The following PCDHA4 variants were observed in gnomAD, a reference collection of about 807,000 sequenced individuals.
PCDHA4 encodes protocadherin alpha-4.
PCDHA4 carries 49 observed loss-of-function variants against 61.4 expected under a neutral mutation model. That is an observed-to-expected ratio of 0.80 (90% CI 0.63 to 1.01). PCDHA4 has a LOEUF of 1.01. Among genes scored for constraint, PCDHA4 ranks in the 50% least tolerant of loss-of-function variants. PCDHA4 has a pLI of 0.00. For missense variants in PCDHA4, 1,254 were observed against 1,235.8 expected, an observed-to-expected ratio of 1.01 and a Z score of -0.22; for synonymous variants, 590 against 550.3, an observed-to-expected ratio of 1.07 and a Z score of -1.01.
chr5:140,992,976 AG>A (rs2097535791), intron 3 of PCDHA4, among the ~76,000 whole-genome samples: 3 of 152,240 alleles, frequency 2.0e-5, no homozygotes, highest in Non-Finnish European at 4.4e-5. Flanking sequence ...GACAATGATT[AG>A]GCCATGGGAC....
At chr5:140,994,561 C>T (rs967006511) in intron 3 of PCDHA4, among the ~76,000 whole-genome samples, 2 of 151,800 alleles carry the variant, frequency 1.3e-5, no homozygotes, top group East Asian at 1.9e-4. Context: ...AAAAATTAGC[C>T]GGGTGTGGTG....
chr5:140,842,051 C>A, intron 1 of PCDHA4: 1 of 1,613,852 alleles, frequency 6.2e-7, no homozygotes, highest in Non-Finnish European at 8.5e-7. Context: ...CACTTTCGAA[C>A]AGTCTGAATA....
intron 1 of PCDHA4, chr5:140,851,253 T>C: frequency 2.8e-6 from 3 of 1,086,078 alleles, no homozygotes; most frequent in Non-Finnish European, 2.3e-6. Context: ...TGATGCATAG[T>C]ATTTTAGTCT....
chr5:140,992,465 C>G (rs1554252929), intron 3 of PCDHA4, among the ~76,000 whole-genome samples: 2 of 152,162 alleles, frequency 1.3e-5, no homozygotes. Flanking sequence ...GGACAGTACT[C>G]TTTAGATCAC....
intron 1 of PCDHA4, chr5:140,857,025 A>G: frequency 6.3e-7 from 1 of 1,596,330 alleles, no homozygotes; most frequent in Non-Finnish European, 8.6e-7. Flanking sequence ...GATAAGGGAA[A>G]CCCACCTATG....
intron 1 of PCDHA4, among the ~76,000 whole-genome samples, chr5:140,913,322 T>G (rs1348973730): frequency 6.6e-6 from 1 of 152,190 alleles, no homozygotes; most frequent in Non-Finnish European, 1.5e-5. Context: ...GTAAGTTGTA[T>G]GTGTCTAGGA....
At chr5:140,822,757 C>T (rs2150119240) in intron 1 of PCDHA4, 44 of 1,613,870 alleles carry the variant, frequency 2.7e-5, no homozygotes, top group Non-Finnish European at 3.6e-5. Flanking sequence ...AAGTACATTC[C>T]CATTATCAGG....
intron 1 of PCDHA4, chr5:140,830,073 C>T (rs2150180623): frequency 6.2e-7 from 1 of 1,613,470 alleles, no homozygotes; most frequent in African/African-American, 1.3e-5. Flanking sequence ...GCGCTGACAG[C>T]GACGGCCACG....
At chr5:140,969,342 G>A in intron 1 of PCDHA4, 1 of 1,613,630 alleles carries the variant, frequency 6.2e-7, no homozygotes, top group Non-Finnish European at 8.5e-7. Flanking sequence ...GTGAGACAGT[G>A]GTCAGGGGGT....
At chr5:140,846,397 C>T (rs1477353546) in intron 1 of PCDHA4, among the ~76,000 whole-genome samples, 11 of 101,188 alleles carry the variant, frequency 1.1e-4, no homozygotes, top group Non-Finnish European at 1.7e-4. Context: ...TTTTTTGAGA[C>T]GGAGTCTCGC....
At chr5:140,833,827 G>C (rs2150211606) in intron 1 of PCDHA4, among the ~76,000 whole-genome samples, 3 of 152,222 alleles carry the variant, frequency 2.0e-5, no homozygotes, top group African/African-American at 7.2e-5. Flanking sequence ...GTCCCTAAAA[G>C]AGTACAGGAT....
chr5:140,928,955 T>A, intron 1 of PCDHA4: 1 of 1,614,024 alleles, frequency 6.2e-7, no homozygotes, highest in Middle Eastern at 1.6e-4. Context: ...GTAATTGCCT[T>A]GGCTTGTATT....
In PCDHA4 at chr5:140,876,415, G is replaced by C. The variant is rs782679956; in HGVS notation, c.2385+66843G>C. 3 of 1,613,842 alleles carry C rather than the reference G, an allele frequency of 1.9e-6. No individual in the cohort carries two copies. The African/African-American group carries it at 4.0e-5, about 22-fold the overall frequency. On this transcript the variant is annotated intron_variant, in intron 1 of 3. Transcript: ENST00000530339. ...TGAACTGGATTTTGAAGAGAATAATGCCTATGAAATTCAGGTTAACGCCAT... is the reference window on the plus strand; with the variant it reads ...TGAACTGGATTTTGAAGAGAATAATCCCTATGAAATTCAGGTTAACGCCAT...
intron 1 of PCDHA4, chr5:140,884,142 G>A (rs782033390): frequency 5.6e-6 from 9 of 1,613,298 alleles, no homozygotes; most frequent in African/African-American, 1.3e-5. Flanking sequence ...TTCCGCGTGG[G>A]GCTGTACACT....
intron 1 of PCDHA4, among the ~76,000 whole-genome samples, chr5:140,960,552 A>T (rs1269039449): frequency 6.6e-6 from 1 of 152,162 alleles, no homozygotes; most frequent in Non-Finnish European, 1.5e-5. Flanking sequence ...CTTCATATAG[A>T]CTGAGCTTAG....
chr5:140,840,610 C>T (rs1488564002), intron 1 of PCDHA4, among the ~76,000 whole-genome samples: 1 of 151,912 alleles, frequency 6.6e-6, no homozygotes, highest in Admixed American at 6.6e-5. Context: ...AAGTGAGAGG[C>T]TGAATTTAAC....
chr5:140,982,506 C>G lies in PCDHA4; in HGVS notation c.2476C>G (p.Arg826Gly). The change falls in exon 3 of 4, where the codon CGG (arginine) becomes GGG (glycine). Residue 826 changes from arginine to glycine, a missense_variant. Transcript: ENST00000530339. ...SVHLEEAGIL[R>G]AGPGGPDQQW... Reference sequence around the variant, plus strand: ...GCACCTAGAGGAGGCTGGCATTCTACGGGCTGGTCCAGGAGGGCCTGATCA... The same window carrying G: ...GCACCTAGAGGAGGCTGGCATTCTAGGGGCTGGTCCAGGAGGGCCTGATCA... 6.2e-7 allele frequency: 1 copy of G among 1,614,162 alleles called. No homozygotes were observed. Among genetic ancestry groups the G allele is most frequent in the Non-Finnish European group, 8.5e-7 (1 of 1,180,032 alleles).
chr5:140,925,499 T>C (rs2082524680), intron 1 of PCDHA4, among the ~76,000 whole-genome samples: 1 of 152,018 alleles, frequency 6.6e-6, no homozygotes, highest in African/African-American at 2.4e-5. Flanking sequence ...ACTGTCCCAA[T>C]ATCCACGCAA....
At chr5:140,927,741 C>T (rs782292892) in intron 1 of PCDHA4, 1 of 1,614,244 alleles carries the variant, frequency 6.2e-7, no homozygotes, top group East Asian at 2.2e-5. Flanking sequence ...TGCGACACCG[C>T]TTTCACGTGC....
Sources: gnomAD v4.1 joint callset for allele counts (sites outside exome capture counted in the v4.1 genomes callset) on GRCh38, gnomAD v4.1.1 for gene constraint, MANE v1.5 for transcripts, NCBI Gene and HGNC (gene_info 2026-07-23, HGNC 2026-07-21) for gene names.